Variants in NR2F1-AS1 observed in about 807,000 individuals in gnomAD.
The protein encoded by NR2F1-AS1 is NR2F1 regulatory antisense RNA 1, also known as NR2F1 antisense RNA 1.
intron 4 of NR2F1-AS1, among the ~76,000 whole-genome samples, chr5:93,506,924 T>C (rs1751197066): frequency 6.6e-6 from 1 of 152,210 alleles, no homozygotes; most frequent in African/African-American, 2.4e-5. Context: ...ATGAATTTAA[T>C]TGATTTAGTC....
chr5:93,541,201 A>C (rs1027247837), intron 4 of NR2F1-AS1, among the ~76,000 whole-genome samples: 1 of 152,172 alleles, frequency 6.6e-6, no homozygotes, highest in Non-Finnish European at 1.5e-5. Flanking sequence ...GGTAAATTGG[A>C]AGGAGGTGAG....
At chr5:93,582,271 TA>T (rs752563970), upstream of NR2F1-AS1, among the ~76,000 whole-genome samples, 3,098 of 130,816 alleles carry the variant, frequency 0.024, 54 homozygotes, top group African/African-American at 0.053. Flanking sequence ...AGCCAGGTGA[TA>T]AAAAAAAAAA....
chr5:93,551,203 T>C (rs1752220035), intron 4 of NR2F1-AS1, among the ~76,000 whole-genome samples: 1 of 152,022 alleles, frequency 6.6e-6, no homozygotes, highest in Non-Finnish European at 1.5e-5. Flanking sequence ...TCCTCCTCTC[T>C]CTCCCCATTT....
Position 93,547,703 on chromosome 5 carries a change from G to C in NR2F1-AS1, n.638+6058C>G, listed in dbSNP as rs568489997. ...AAAGAACTAACCAAATCCAGGCCAA[G>C]GAAGGATTTAACCAGAAATATTCAA... is the stretch of plus-strand genomic sequence containing the variant. On this transcript the variant is annotated intron_variant and non_coding_transcript_variant, in intron 4 of 5. Coordinates refer to ENST00000660523, the Ensembl canonical transcript of NR2F1-AS1. Among the ~76,000 whole-genome samples, 3 of 152,014 alleles carry C rather than the reference G, an allele frequency of 2.0e-5. No individual in the cohort carries two copies. The East Asian group carries it at 5.8e-4, about 29-fold the overall frequency.
At chr5:93,443,304 A>G (rs1749616315) in intron 4 of NR2F1-AS1, among the ~76,000 whole-genome samples, 1 of 152,144 alleles carries the variant, frequency 6.6e-6, no homozygotes, top group African/African-American at 2.4e-5. Context: ...ACCTTGAAAA[A>G]CGATTAGACA....
intron 2 of NR2F1-AS1, among the ~76,000 whole-genome samples, chr5:93,557,248 T>C: frequency 6.6e-6 from 1 of 152,210 alleles, no homozygotes; most frequent in Non-Finnish European, 1.5e-5. Context: ...AAATGTGATC[T>C]GACCCATAAT....
At chr5:93,458,249 A>T (rs1251789301) in intron 4 of NR2F1-AS1, among the ~76,000 whole-genome samples, 1 of 152,210 alleles carries the variant, frequency 6.6e-6, no homozygotes, top group Non-Finnish European at 1.5e-5. Context: ...TTTCAAAATA[A>T]ATTTTGAGAA....
rs184525351 is a variant in NR2F1-AS1, at chr5:93,450,115, G to A, written n.639-54573C>T. On this transcript the variant is annotated intron_variant and non_coding_transcript_variant, in intron 4 of 5. Transcript: ENST00000660523. ...ATGTTCATTTTCTAACTCTTTTCTC[G>A]AATTTTAAGTTAGAAATGGATGACT... 3.2e-3 allele frequency among the ~76,000 whole-genome samples: 490 copies of A among 152,164 alleles called. 1 individual carries two copies. The highest frequency in any genetic ancestry group is 5.0e-3 in the Non-Finnish European group (339 of 67,984).
At chr5:93,513,140 G>A (rs1429471942) in intron 4 of NR2F1-AS1, among the ~76,000 whole-genome samples, 5 of 151,990 alleles carry the variant, frequency 3.3e-5, no homozygotes, top group African/African-American at 4.8e-5. Context: ...TCAGAATGGC[G>A]ATTATTGAAG....
intron 4 of NR2F1-AS1, among the ~76,000 whole-genome samples, chr5:93,511,695 G>A (rs1407784768): frequency 6.6e-6 from 1 of 152,166 alleles, no homozygotes; most frequent in Non-Finnish European, 1.5e-5. Flanking sequence ...CGCAAAGCAG[G>A]AGGTTAGCAG....
At chr5:93,420,476 A>C (rs1749066065) in intron 4 of NR2F1-AS1, among the ~76,000 whole-genome samples, 1 of 152,208 alleles carries the variant, frequency 6.6e-6, no homozygotes, top group Admixed American at 6.5e-5. Flanking sequence ...CTGAAGCCAT[A>C]CTGCAAAGGG....
At chr5:93,464,635 A>G (rs1025742598) in intron 4 of NR2F1-AS1, among the ~76,000 whole-genome samples, 1 of 152,232 alleles carries the variant, frequency 6.6e-6, no homozygotes, top group Non-Finnish European at 1.5e-5. Flanking sequence ...AGGAATATTC[A>G]GATAACTAAT....
At position 93,488,620 on chromosome 5, in the gene NR2F1-AS1, A is replaced by C. The variant is rs1394924687; in HGVS notation, n.638+65141T>G. Among the ~76,000 whole-genome samples, 6 of 152,226 alleles carry C rather than the reference A, an allele frequency of 3.9e-5. No individual in the cohort carries two copies. The East Asian group carries it at 1.2e-3, about 29-fold the overall frequency. The stretch of plus-strand genomic sequence containing the variant: ...ACAACAGATGCTGGAGAGAATGTGG[A>C]GAAATAGGAAAGCTTTTACACTGCT... On this transcript the variant is annotated intron_variant and non_coding_transcript_variant, in intron 4 of 5. Transcript: ENST00000660523.
intron 4 of NR2F1-AS1, among the ~76,000 whole-genome samples, chr5:93,510,931 A>G (rs1490593357): frequency 6.6e-6 from 1 of 152,146 alleles, no homozygotes; most frequent in Non-Finnish European, 1.5e-5. Flanking sequence ...GGGTTAAATT[A>G]TTTTGGATGG....
At chr5:93,507,855 A>T (rs748482729) in intron 4 of NR2F1-AS1, among the ~76,000 whole-genome samples, 3 of 152,152 alleles carry the variant, frequency 2.0e-5, no homozygotes, top group Non-Finnish European at 4.4e-5. Context: ...GCATAAATAT[A>T]ATAAAACATC....
upstream of NR2F1-AS1, among the ~76,000 whole-genome samples, chr5:93,581,982 C>CTCTGGG: frequency 8.3e-6 from 1 of 120,934 alleles, no homozygotes; most frequent in East Asian, 2.3e-4. Context: ...TCTCCTCTCT[C>CTCTGGG]TCTCTCTCCC....
chr5:93,450,914 CAAAAAAAAAAAAA>C (rs60895927), intron 4 of NR2F1-AS1, among the ~76,000 whole-genome samples: 9 of 54,048 alleles, frequency 1.7e-4, no homozygotes, highest in African/African-American at 4.2e-4. Flanking sequence ...GAATCTGCTT[CAAAAAAAAAAAAA>C]AAAAAAAAAA....
At chr5:93,583,845 T>G (rs1432373173), upstream of NR2F1-AS1, 2 of 152,450 alleles carry the variant, frequency 1.3e-5, no homozygotes, top group African/African-American at 4.8e-5. Context: ...TTTTTATTTT[T>G]TCTATTTCGC....
intron 4 of NR2F1-AS1, among the ~76,000 whole-genome samples, chr5:93,470,037 G>T (rs943382304): frequency 2.0e-5 from 3 of 152,078 alleles, no homozygotes; most frequent in South Asian, 4.1e-4. Context: ...TCTTCCAAAA[G>T]CATTCATATT....
Sources: allele counts gnomAD v4.1 joint callset (sites outside exome capture counted in the v4.1 genomes callset), GRCh38; gene constraint gnomAD v4.1.1; transcripts MANE v1.5; gene names NCBI Gene and HGNC (gene_info 2026-07-23, HGNC 2026-07-21).